Variants in STK32B observed in about 807,000 individuals in gnomAD.
The protein encoded by STK32B is serine/threonine-protein kinase 32B.
A neutral mutation model predicts 52.6 loss-of-function variants in STK32B; 43 were observed. That is an observed-to-expected ratio of 0.82 (90% confidence interval 0.64 to 1.05). The LOEUF (loss-of-function observed/expected upper bound fraction) is 1.05. Ranked by LOEUF, STK32B falls within the 50% of genes least tolerant of loss-of-function variation. The pLI, the probability that STK32B is intolerant of heterozygous loss-of-function variation, is 0.00. For synonymous variants in STK32B, 238 were observed against 204.3 expected, an observed-to-expected ratio of 1.17 and a Z score of -1.41; for missense variants, 621 against 534.6, an observed-to-expected ratio of 1.16 and a Z score of -1.59.
intron 9 of STK32B, 76 bp from the exon 10 acceptor site, chr4:5,466,627 G>T: frequency 6.6e-7 from 1 of 1,513,068 alleles, no homozygotes; most frequent in South Asian, 1.3e-5. Context: ...TGAATGAATG[G>T]TTGAATTAAT....
chr4:5,298,324 TCTG>T (rs1434820906), intron 3 of STK32B, among the ~76,000 whole-genome samples: 4 of 152,188 alleles, frequency 2.6e-5, no homozygotes, highest in Non-Finnish European at 4.4e-5. Context: ...TGCTGGAAGA[TCTG>T]CTGCTGTCTT....
At chr4:5,282,042 A>G (rs1017276283) in intron 3 of STK32B, among the ~76,000 whole-genome samples, 1 of 152,102 alleles carries the variant, frequency 6.6e-6, no homozygotes, top group Non-Finnish European at 1.5e-5. Context: ...TATGTATACA[A>G]TATGGAATAA....
In STK32B at chr4:5,469,865, C is replaced by T. The variant is rs542298906; in HGVS notation, c.1106+1795C>T. ...TTATCCCAATTTGCCTGTGGTCCTGCCTGCTCTGAGGCTCATGGCCCTTCC... is the reference window on the plus strand; with the variant it reads ...TTATCCCAATTTGCCTGTGGTCCTGTCTGCTCTGAGGCTCATGGCCCTTCC... On this transcript the variant is annotated intron_variant, in intron 11 of 11. Transcript: ENST00000282908. This position sits in a 1 kb window ranked among gnomAD's most constrained non-coding sequence, Gnocchi z 4.7. Among the ~76,000 whole-genome samples the T allele has an allele frequency of 6.6e-6, 1 of 152,204 alleles. No individual in the cohort carries two copies. The highest frequency in any genetic ancestry group is 6.5e-5 in the Admixed American group (1 of 15,286).
intron 3 of STK32B, among the ~76,000 whole-genome samples, chr4:5,328,834 G>T (rs914089089): frequency 6.6e-6 from 1 of 152,104 alleles, no homozygotes; most frequent in African/African-American, 2.4e-5. Context: ...TCCCAGCGAG[G>T]CTGTATTACT....
intron 5 of STK32B, among the ~76,000 whole-genome samples, chr4:5,411,805 A>G (rs975290943): frequency 6.6e-6 from 1 of 152,124 alleles, no homozygotes; most frequent in African/African-American, 2.4e-5. Flanking sequence ...GGACTTTGCA[A>G]CTGTGGGAAA....
At chr4:5,280,468 T>C (rs1237598748) in intron 3 of STK32B, among the ~76,000 whole-genome samples, 1 of 152,174 alleles carries the variant, frequency 6.6e-6, no homozygotes, top group Non-Finnish European at 1.5e-5. Context: ...CTTCTTCTGA[T>C]CCCTCCAAAC....
intron 1 of STK32B, among the ~76,000 whole-genome samples, chr4:5,096,457 C>A (rs1192856107): frequency 6.6e-6 from 1 of 152,188 alleles, no homozygotes; most frequent in East Asian, 1.9e-4. Flanking sequence ...GTTTCCCGCA[C>A]TCCAGATGGC....
intron 4 of STK32B, among the ~76,000 whole-genome samples, chr4:5,343,975 G>C (rs529174648): frequency 6.6e-6 from 1 of 152,270 alleles, no homozygotes; most frequent in East Asian, 1.9e-4. Context: ...AGTGCTTAAA[G>C]CTATGATTCA....
intron 2 of STK32B, among the ~76,000 whole-genome samples, chr4:5,143,850 T>C (rs928315301): frequency 9.0e-6 from 1 of 111,418 alleles, no homozygotes; most frequent in African/African-American, 2.7e-5. Context: ...ATTAGCACCC[T>C]TCTAAAAAAG....
chr4:5,165,124 C>T (rs958436735), intron 2 of STK32B, among the ~76,000 whole-genome samples: 3 of 152,136 alleles, frequency 2.0e-5, no homozygotes, highest in Admixed American at 1.3e-4. Context: ...GAGGTCTTAG[C>T]CCTGAATTTA....
chr4:5,192,588 A>C (rs1721301659), intron 3 of STK32B, among the ~76,000 whole-genome samples: 1 of 152,188 alleles, frequency 6.6e-6, no homozygotes, highest in African/African-American at 2.4e-5. Flanking sequence ...AGCTTTATTA[A>C]AGTAGGATTG....
At chr4:5,420,386 CA>C (rs1712524568) in intron 6 of STK32B, among the ~76,000 whole-genome samples, 3 of 152,196 alleles carry the variant, frequency 2.0e-5, no homozygotes, top group Admixed American at 2.0e-4. Context: ...CAAGTCTGAC[CA>C]AAGAGGTCAC....
At chr4:5,425,123 C>T (rs1041151264) in intron 6 of STK32B, among the ~76,000 whole-genome samples, 2 of 152,256 alleles carry the variant, frequency 1.3e-5, no homozygotes, top group Non-Finnish European at 2.9e-5. Context: ...CTCACACAAC[C>T]CTCATGGCTC....
intron 4 of STK32B, among the ~76,000 whole-genome samples, chr4:5,366,321 C>G (rs7674225): frequency 0.05 from 7,656 of 152,232 alleles, 297 homozygotes; most frequent in African/African-American, 0.1. Flanking sequence ...TTTGCTCGCA[C>G]CTTCTTCCTC....
In STK32B at chr4:5,216,468, A is replaced by G. The variant is rs144594633; in HGVS notation, c.260+48018A>G. ...AGCAGTTGAGAAGCTCTGAGAATAT[A>G]AAGTAGGAGAACTTATCTGGCATCA... On this transcript the variant is annotated intron_variant, in intron 3 of 11. Transcript: ENST00000282908. 1.3e-3 allele frequency among the ~76,000 whole-genome samples: 202 copies of G among 152,326 alleles called. 2 individuals carry two copies. Among genetic ancestry groups the G allele is most frequent in the Middle Eastern group, 3.4e-3 (1 of 294 alleles).
At chr4:5,248,956 A>T (rs1400099898) in intron 3 of STK32B, among the ~76,000 whole-genome samples, 1 of 152,060 alleles carries the variant, frequency 6.6e-6, no homozygotes, top group Non-Finnish European at 1.5e-5. Flanking sequence ...GAGGGATAGC[A>T]TTAGGAGATA....
chr4:5,227,530 C>A (rs1723960274), intron 3 of STK32B, among the ~76,000 whole-genome samples: 1 of 152,150 alleles, frequency 6.6e-6, no homozygotes, highest in Non-Finnish European at 1.5e-5. Context: ...GACGAATTTT[C>A]ACTTGAAAAC....
chr4:5,167,970 T>A (rs185688666), intron 2 of STK32B, among the ~76,000 whole-genome samples: 1 of 152,348 alleles, frequency 6.6e-6, no homozygotes, highest in Non-Finnish European at 1.5e-5. Context: ...TCACTGGTGC[T>A]TTTTGCATTT....
chr4:5,350,401 G>A (rs997744226), intron 4 of STK32B, among the ~76,000 whole-genome samples: 7 of 151,990 alleles, frequency 4.6e-5, no homozygotes, highest in Non-Finnish European at 8.8e-5. Flanking sequence ...AGCCCTACAA[G>A]AAATGCTTGA....
Sources: gnomAD v4.1 joint callset for allele counts (sites outside exome capture counted in the v4.1 genomes callset) on GRCh38, gnomAD v4.1.1 for gene constraint, Gnocchi (gnomAD v3.1) non-coding constraint, MANE v1.5 for transcripts, NCBI Gene and HGNC (gene_info 2026-07-23, HGNC 2026-07-21) for gene names.